The following PTPRD variants were observed in gnomAD, a reference collection of about 807,000 sequenced individuals.
The protein encoded by PTPRD is receptor-type tyrosine-protein phosphatase delta.
Under a neutral mutation model 214.5 loss-of-function variants are expected in PTPRD, and 34 were observed. That is an observed-to-expected ratio of 0.16 (90% confidence interval 0.12 to 0.21). The LOEUF is 0.21. Ranked by LOEUF, PTPRD falls within the 10% of genes least tolerant of loss-of-function variation. The pLI is 1.00. For synonymous variants in PTPRD, 1,128 were observed against 845.7 expected, an observed-to-expected ratio of 1.33 and a Z score of -5.79; for missense variants, 2,545 against 2,398.7, an observed-to-expected ratio of 1.06 and a Z score of -1.27.
intron 3 of PTPRD, among the ~76,000 whole-genome samples, chr9:10,195,098 A>ATTTTTTTTTTTTTT (rs34900305): frequency 1.0e-3 from 100 of 97,896 alleles, no homozygotes; most frequent in Non-Finnish European, 1.4e-3. Flanking sequence ...ATACCCGGCT[A>ATTTTTTTTTTTTTT]TTTTTTTTTT....
chr9:9,301,440 G>A (rs1278540557), intron 9 of PTPRD, among the ~76,000 whole-genome samples: 1 of 151,828 alleles, frequency 6.6e-6, no homozygotes, highest in Non-Finnish European at 1.5e-5. Context: ...GAACTAGACT[G>A]AGTACTTACT....
At chr9:9,657,474 A>C (rs1406466295) in intron 7 of PTPRD, among the ~76,000 whole-genome samples, 1 of 152,164 alleles carries the variant, frequency 6.6e-6, no homozygotes, top group East Asian at 1.9e-4. Context: ...GTGGGGTGGG[A>C]TAGCATTAGG....
chr9:9,773,911 A>T (rs1483870101), intron 5 of PTPRD, among the ~76,000 whole-genome samples: 1 of 152,170 alleles, frequency 6.6e-6, no homozygotes, highest in Non-Finnish European at 1.5e-5. Flanking sequence ...TTTATTCTGC[A>T]TCTTTAAATT....
chr9:9,660,823 G>T lies in PTPRD; in HGVS notation c.-287+73710C>A, dbSNP rs569412083. 9.9e-5 allele frequency among the ~76,000 whole-genome samples: 15 copies of T among 152,000 alleles called. No individual in the cohort carries two copies. In the South Asian group the frequency reaches 2.9e-3, roughly 29 times the overall value. On this transcript the variant is annotated intron_variant, in intron 7 of 45. Coordinates refer to ENST00000381196, the MANE Select transcript of PTPRD (RefSeq NM_002839.4). The stretch of plus-strand genomic sequence containing the variant: ...TGCAACAACTCAAATAACCTCATAA[G>T]TTATTTAGCTCCTTCTCATTATTAT...
chr9:9,076,787 A>AT (rs1187133844), intron 10 of PTPRD, among the ~76,000 whole-genome samples: 1 of 122,788 alleles, frequency 8.1e-6, no homozygotes, highest in African/African-American at 3.0e-5. Flanking sequence ...CAATATGATA[A>AT]TTTCCTTTTT....
intron 3 of PTPRD, among the ~76,000 whole-genome samples, chr9:10,037,281 G>C (rs968947507): frequency 2.0e-5 from 3 of 152,106 alleles, no homozygotes; most frequent in African/African-American, 7.2e-5. Context: ...GTGGGGCCTG[G>C]TGGGAGGTGA....
At chr9:9,948,502 A>G (rs2093068140) in intron 4 of PTPRD, among the ~76,000 whole-genome samples, 1 of 152,126 alleles carries the variant, frequency 6.6e-6, no homozygotes, top group Admixed American at 6.5e-5. Context: ...TGAGACATAA[A>G]GGATAATAAA....
At chr9:9,798,430 G>T (rs193090815) in intron 5 of PTPRD, among the ~76,000 whole-genome samples, 1,563 of 152,222 alleles carry the variant, frequency 0.01, 31 homozygotes, top group African/African-American at 0.036. Context: ...GGAATAAATT[G>T]GGGGGAATTT....
At chr9:9,291,963 AT>A (rs1237026269) in intron 9 of PTPRD, among the ~76,000 whole-genome samples, 1 of 150,856 alleles carries the variant, frequency 6.6e-6, no homozygotes, top group Non-Finnish European at 1.5e-5. Flanking sequence ...ATTTAACCTA[AT>A]TTATGCTTTG....
At chr9:8,997,531 G>A (rs945447906) in intron 11 of PTPRD, among the ~76,000 whole-genome samples, 33 of 151,962 alleles carry the variant, frequency 2.2e-4, no homozygotes, top group African/African-American at 7.2e-4. Context: ...GTGAGTGTGC[G>A]TTCTGAATGC....
intron 10 of PTPRD, among the ~76,000 whole-genome samples, chr9:9,029,403 C>T (rs150951754): frequency 6.6e-6 from 1 of 151,712 alleles, no homozygotes; most frequent in Non-Finnish European, 1.5e-5. Flanking sequence ...ACTCAAGGCA[C>T]CACACATGAG....
intron 10 of PTPRD, among the ~76,000 whole-genome samples, chr9:9,053,564 C>T (rs912442066): frequency 6.6e-6 from 1 of 152,064 alleles, no homozygotes; most frequent in Non-Finnish European, 1.5e-5. Context: ...TACCATAGAG[C>T]CTTCAGAGAG....
chr9:9,388,812 A>T (rs566964918), intron 9 of PTPRD, among the ~76,000 whole-genome samples: 1 of 152,188 alleles, frequency 6.6e-6, no homozygotes, highest in Non-Finnish European at 1.5e-5. Flanking sequence ...TTTCTCAAAC[A>T]CTCAGAAAGA....
intron 7 of PTPRD, among the ~76,000 whole-genome samples, chr9:9,708,743 A>T (rs2097672273): frequency 6.6e-6 from 1 of 152,062 alleles, no homozygotes; most frequent in Admixed American, 6.6e-5. Context: ...AAATTCACTT[A>T]AAATTGGTAG....
chr9:8,348,699 G>C (rs890343392), intron 39 of PTPRD, among the ~76,000 whole-genome samples: 1 of 152,136 alleles, frequency 6.6e-6, no homozygotes, highest in Non-Finnish European at 1.5e-5. Context: ...CTGTTCCTCA[G>C]CACTAGTTCA....
intron 10 of PTPRD, among the ~76,000 whole-genome samples, chr9:9,152,203 A>C (rs897508610): frequency 6.6e-6 from 1 of 152,160 alleles, no homozygotes; most frequent in African/African-American, 2.4e-5. Flanking sequence ...CCTTTAACCA[A>C]GCTTTCTGGC....
At chr9:8,429,890 GT>G (rs1186425484) in intron 35 of PTPRD, among the ~76,000 whole-genome samples, 1 of 152,212 alleles carries the variant, frequency 6.6e-6, no homozygotes. Flanking sequence ...ATTGCTCCGA[GT>G]TAATACATAG....
intron 8 of PTPRD, among the ~76,000 whole-genome samples, chr9:9,529,192 A>C (rs1466295752): frequency 6.6e-6 from 1 of 151,740 alleles, no homozygotes; most frequent in Non-Finnish European, 1.5e-5. Flanking sequence ...TTGGCCTCCC[A>C]AAGTGCTGGA....
chr9:9,142,344 T>C (rs2099861934), intron 10 of PTPRD, among the ~76,000 whole-genome samples: 1 of 152,234 alleles, frequency 6.6e-6, no homozygotes, highest in East Asian at 1.9e-4. Flanking sequence ...CAGTGAGTTA[T>C]AGTCTCCCTA....
Sources: gnomAD v4.1 joint callset for allele counts (sites outside exome capture counted in the v4.1 genomes callset) on GRCh38, gnomAD v4.1.1 for gene constraint, MANE v1.5 for transcripts, NCBI Gene and HGNC (gene_info 2026-07-23, HGNC 2026-07-21) for gene names.